The following TBC1D10C variants were observed in gnomAD, a reference collection of about 807,000 sequenced individuals.
TBC1D10C encodes the protein carabin.
A neutral mutation model predicts 51.0 loss-of-function variants in TBC1D10C; 49 were observed. The ratio of observed to expected loss-of-function variants is 0.96; its 90% CI spans 0.76 to 1.22. The LOEUF (loss-of-function observed/expected upper bound fraction) is 1.22. Among genes scored for constraint, TBC1D10C ranks in the 50% most tolerant of loss-of-function variants. TBC1D10C has a pLI of 0.00. For missense variants in TBC1D10C, 541 were observed against 617.5 expected (o/e 0.88, Z 1.31); for synonymous variants, 281 against 266.7 (o/e 1.05, Z -0.52).
chr11:67,405,218 G>C (rs552691477), intron 2 of TBC1D10C, 34 bp downstream of exon 2: 3 of 1,542,538 alleles, frequency 1.9e-6, no homozygotes, highest in Non-Finnish European at 2.6e-6. Context: ...TGGCTTCCAT[G>C]GCTCATTCCT....
Position 67,404,217 on chromosome 11 carries a change from G to C in TBC1D10C, c.15G>C (p.Leu5=). 1 of 1,564,918 alleles carries C rather than the reference G, an allele frequency of 6.4e-7. No homozygotes were observed. Residue 5 remains leucine (L), a synonymous_variant, in exon 1 of 9, where the codon CTG becomes CTC. Coordinates refer to ENST00000542590, the MANE Select transcript of TBC1D10C (RefSeq NM_001369496.1). The part of the protein sequence containing the change: MAQA[L]GEDLVQPPEL... ...CCCCGGGCACCATGGCCCAGGCCCTGGGGGAGGACCTGGTGCAGCCTCCCG... is the reference window on the plus strand; with the variant it reads ...CCCCGGGCACCATGGCCCAGGCCCTCGGGGAGGACCTGGTGCAGCCTCCCG...
intron 1 of TBC1D10C, 40 bp from the exon 2 acceptor site, chr11:67,405,038 GGGTAACA>G: frequency 6.6e-7 from 1 of 1,515,090 alleles, no homozygotes; most frequent in Non-Finnish European, 8.9e-7. Flanking sequence ...TGTGGGCCTT[GGGTAACA>G]GCTGCCCAGC....
At chr11:67,404,080 G>A (rs1863038972), upstream of TBC1D10C, 2 of 1,238,612 alleles carry the variant, frequency 1.6e-6, no homozygotes, top group African/African-American at 3.1e-5. Flanking sequence ...TAGGGGGCTT[G>A]GTGAGATACC....
chr11:67,409,045 G>A lies in TBC1D10C; in HGVS notation c.905G>A (p.Arg302Gln), dbSNP rs889506094. 1.3e-5 allele frequency: 21 copies of A among 1,592,288 alleles called. No individual in the cohort carries two copies. The highest frequency in any genetic ancestry group is 5.4e-5 in the African/African-American group (4 of 74,432). Residue 302 changes from arginine to glutamine, a missense_variant, in exon 8 of 9, where the codon CGA (arginine) becomes CAA (glutamine). Transcript: ENST00000542590. ...VRLALGTAEQ[R>Q]GACPGLLETL... ...CTGGCGCTGGGCACTGCAGAGCAGC[G>A]AGGGGCCTGCCCTGGCCTCCTGGAG...
chr11:67,409,797 G>A lies in TBC1D10C; in HGVS notation c.*43G>A, dbSNP rs761048052. Reference sequence around the variant, plus strand: ...TGTCCCCCAGTCTCAATTGCCTGATGGCTGATGCCGGCCCGGCAAATAGGC... The same window carrying A: ...TGTCCCCCAGTCTCAATTGCCTGATAGCTGATGCCGGCCCGGCAAATAGGC... On this transcript the variant is annotated 3_prime_UTR_variant, in exon 9 of 9. Transcript: ENST00000542590. 1 of 1,483,782 alleles carries A rather than the reference G, an allele frequency of 6.7e-7. No homozygotes were observed. The highest frequency in any genetic ancestry group is 2.3e-5 in the East Asian group (1 of 44,018). The allele number at this position is 1,483,782 out of a possible 1,614,324, so 91.9% of individuals were successfully genotyped here.
chr11:67,404,821 T>C, intron 1 of TBC1D10C: 1 of 467,634 alleles, frequency 2.1e-6, no homozygotes, highest in South Asian at 3.3e-5. Context: ...TCTGTGTCCC[T>C]GTCCTGGGTG....
At position 67,405,178 on chromosome 11, in the gene TBC1D10C, C is replaced by T. The variant is rs1400906937; in HGVS notation, c.246C>T (p.Tyr82=). The T allele has an allele frequency of 4.5e-6, 7 of 1,551,294 alleles. No individual in the cohort carries two copies. The highest frequency in any genetic ancestry group is 5.2e-6 in the Non-Finnish European group (6 of 1,146,862). ...SHWEKTMSRR[Y]KKVKMQCRKG... ...GGGAGAAAACCATGTCCCGGCGGTA[C>T]AAGAAGGTGAGGGGGGCAGGGGCCC... The change falls in exon 2 of 9, where the codon TAC becomes TAT. Residue 82 remains tyrosine, a synonymous_variant. Transcript: ENST00000542590.
Position 67,409,615 on chromosome 11 carries a change from A to G in TBC1D10C, c.1202A>G (p.Glu401Gly). 6.4e-7 allele frequency: 1 copy of G among 1,559,886 alleles called. No homozygotes were observed. Among genetic ancestry groups the G allele is most frequent in the Non-Finnish European group, 8.7e-7 (1 of 1,153,112 alleles). Residue 401 changes from glutamate (E) to glycine (G), a missense_variant, in exon 9 of 9, where the codon GAG becomes GGG. Transcript: ENST00000542590. ...CGGATTGTGGTGCAGCCCCCGGAGG[A>G]GCCCAGACCACCGCGGCGGAAACCC... ...VPRIVVQPPE[E>G]PRPPRRKPQT... is the part of the protein sequence containing the mutation.
Position 67,406,631 on chromosome 11 carries a change from C to G in TBC1D10C, c.587C>G (p.Ala196Gly), listed in dbSNP as rs748798570. ...VLLMHLPPEE[A>G]FWCLVQICEV... ...TGTGCCCTGCCCCTTCCCCAGGAGG[C>G]CTTCTGGTGCCTGGTGCAGATCTGT... Residue 196 changes from alanine (A) to glycine (G), a missense_variant, in exon 6 of 9, where the codon GCC (alanine) becomes GGC (glycine). Ala to Gly is a moderately conservative substitution (Grantham distance 60, BLOSUM62 0). Coordinates refer to ENST00000542590, the MANE Select transcript of TBC1D10C (RefSeq NM_001369496.1). The G allele has an allele frequency of 7.0e-6, 11 of 1,570,068 alleles. No individual in the cohort carries two copies. The highest frequency in any genetic ancestry group is 6.1e-6 in the Non-Finnish European group (7 of 1,156,864).
At chr11:67,408,812 C>A in intron 7 of TBC1D10C, 167 bp from the exon 8 acceptor site, 1 of 854,656 alleles carries the variant, frequency 1.2e-6, no homozygotes, top group Non-Finnish European at 1.7e-6. Flanking sequence ...TTGGCCAGTA[C>A]AGCGGCCTGT....
chr11:67,404,938 C>A (rs963358904), intron 1 of TBC1D10C, 147 bp from the exon 2 acceptor site: 8 of 663,422 alleles, frequency 1.2e-5, no homozygotes, highest in Non-Finnish European at 2.0e-5. Flanking sequence ...CAAGCATTGG[C>A]AGCTCCTGGG....
rs960246545 is a variant in TBC1D10C at position 67,405,898 on chromosome 11, C to A, written c.468-5C>A. 1.9e-6 allele frequency: 3 copies of A among 1,584,974 alleles called. No individual in the cohort carries two copies. Among genetic ancestry groups the A allele is most frequent in the Admixed American group, 1.8e-5 (1 of 55,484 alleles). The stretch of plus-strand genomic sequence containing the variant: ...ACTGGCCCCTTATGGGGTCTTCCGG[C>A]ACAGGCAGCAGGGGCTCCTGCAGGT... On this transcript the variant is annotated splice_region_variant and splice_polypyrimidine_tract_variant and intron_variant, in intron 4 of 8. Transcript: ENST00000542590.
Position 67,404,177 on chromosome 11 carries a change from CTGTGGCAT to C in TBC1D10C, c.-25_-18del. Reference sequence around the variant, plus strand: ...CACTGGTTCTCCCCACTTTCTCTGCCTGTGGCATCGAAGGCCCCGGGCACCATGGCCCA... The same window carrying C: ...CACTGGTTCTCCCCACTTTCTCTGCCCGAAGGCCCCGGGCACCATGGCCCA... On this transcript the variant is annotated 5_prime_UTR_variant, in exon 1 of 9. Coordinates refer to ENST00000542590, the MANE Select transcript of TBC1D10C (RefSeq NM_001369496.1). The C allele has an allele frequency of 6.7e-7, 1 of 1,487,300 alleles. No homozygotes were observed. Among genetic ancestry groups the C allele is most frequent in the Admixed American group, 2.4e-5 (1 of 41,936 alleles). The allele number at this position is 1,487,300 out of a possible 1,614,324, so 92.1% of individuals were successfully genotyped here. A position where few individuals can be genotyped will look rare whatever the true frequency, so the allele number is the denominator to read the frequency against.
intron 7 of TBC1D10C, 186 bp from the exon 8 acceptor site, chr11:67,408,793 G>A: frequency 1.5e-6 from 1 of 657,718 alleles, no homozygotes; most frequent in East Asian, 3.4e-5. Context: ...TGTGGCTCTT[G>A]AGGCTAACTT....
chr11:67,404,260 AG>A lies in TBC1D10C; in HGVS notation c.59del (p.Ser20ThrfsTer46). On this transcript the variant is annotated frameshift_variant, in exon 1 of 9. Transcript: ENST00000542590. LOFTEE classifies it high-confidence loss of function. ...GCCTCCCGAGCTGCAGGATGACTCC[AG>A]CTCCTTGGGGTCCGACTCAGAGCTC... ...VQPPELQDDSSSLGSDSELSG... is the reference protein window; with the variant it reads ...VQPPELQDDSXSLGSDSELSG... The A allele has an allele frequency of 1.2e-6, 2 of 1,602,586 alleles. No homozygotes were observed. Among genetic ancestry groups the A allele is most frequent in the Middle Eastern group, 1.7e-4 (1 of 6,012 alleles).
chr11:67,404,827 G>T, intron 1 of TBC1D10C: 1 of 477,636 alleles, frequency 2.1e-6, no homozygotes, highest in Non-Finnish European at 3.8e-6. Flanking sequence ...TCCCTGTCCT[G>T]GGTGACAGCC....
Position 67,409,832 on chromosome 11 carries a change from T to C in TBC1D10C, c.*78T>C, listed in dbSNP as rs967003601. On this transcript the variant is annotated 3_prime_UTR_variant, in exon 9 of 9. Coordinates refer to ENST00000542590, the MANE Select transcript of TBC1D10C (RefSeq NM_001369496.1). ...GGCCCGGCAAATAGGCACCGCACTT[T>C]ACTCTTGGGACTCGGGGACTTGGCT... 9.3e-6 allele frequency: 12 copies of C among 1,286,062 alleles called. No homozygotes were observed. Among genetic ancestry groups the C allele is most frequent in the African/African-American group, 1.5e-5 (1 of 67,176 alleles). The allele number at this position is 1,286,062 out of a possible 1,614,324, so 79.7% of individuals were successfully genotyped here.
At chr11:67,403,929 T>G, upstream of TBC1D10C, 1 of 348,906 alleles carries the variant, frequency 2.9e-6, no homozygotes, top group Non-Finnish European at 5.2e-6. Context: ...GAGGAGGAAG[T>G]GAGAGGAGGA....
rs1217034548 is a variant in TBC1D10C, at chr11:67,404,252, A to G, written c.50A>G (p.Asp17Gly). ...CTGGTGCAGCCTCCCGAGCTGCAGG[A>G]TGACTCCAGCTCCTTGGGGTCCGAC... ...EDLVQPPELQDDSSSLGSDSE... is the reference protein window; with the variant it reads ...EDLVQPPELQGDSSSLGSDSE... The change falls in exon 1 of 9, where the codon GAT (aspartate) becomes GGT (glycine). Residue 17 changes from aspartate (D) to glycine (G), a missense_variant. Physicochemically the swap from Asp to Gly is moderately conservative, Grantham distance 94. Coordinates refer to ENST00000542590, the MANE Select transcript of TBC1D10C (RefSeq NM_001369496.1). 2 of 1,592,518 alleles carry G rather than the reference A, an allele frequency of 1.3e-6. No individual in the cohort carries two copies. Among genetic ancestry groups the G allele is most frequent in the Non-Finnish European group, 8.6e-7 (1 of 1,165,752 alleles).
Sources: gnomAD v4.1 joint callset for allele counts on GRCh38, gnomAD v4.1.1 for gene constraint, MANE v1.5 for transcripts, NCBI Gene and HGNC (gene_info 2026-07-23, HGNC 2026-07-21) for gene names.